The following CARMIL1 variants were observed in gnomAD, a reference collection of about 807,000 sequenced individuals.
CARMIL1 encodes the protein capping protein regulator and myosin 1 linker 1, also known as F-actin-uncapping protein LRRC16A.
In CARMIL1, 90 loss-of-function variants were observed where a neutral mutation model predicts 177.1. The ratio of observed to expected loss-of-function variants is 0.51; its 90% CI spans 0.43 to 0.61. The LOEUF is 0.61. CARMIL1 is among the 20% of genes least tolerant of loss of function. The pLI, the probability that CARMIL1 is intolerant of heterozygous loss-of-function variation, is 0.00. For missense variants in CARMIL1, 1,380 were observed against 1,667.0 expected, an observed-to-expected ratio of 0.83 and a Z score of 3.00; for synonymous variants, 577 against 606.2, an observed-to-expected ratio of 0.95 and a Z score of 0.71.
At chr6:25,413,230 G>A (rs1795075996) in intron 2 of CARMIL1, among the ~76,000 whole-genome samples, 1 of 152,186 alleles carries the variant, frequency 6.6e-6, no homozygotes, top group Non-Finnish European at 1.5e-5. Context: ...GTATTAAGAG[G>A]GGGAATGATG....
At chr6:25,420,269 T>C (rs1795736478) in intron 3 of CARMIL1, 105 bp downstream of exon 3, 2 of 1,027,084 alleles carry the variant, frequency 1.9e-6, no homozygotes, top group Admixed American at 3.4e-5. Flanking sequence ...TTCCTTCATA[T>C]ACTGCAACAC....
intron 29 of CARMIL1, among the ~76,000 whole-genome samples, chr6:25,570,527 AG>A (rs1811983385): frequency 6.6e-6 from 1 of 152,238 alleles, no homozygotes; most frequent in Admixed American, 6.5e-5. Flanking sequence ...ATAAAAAGTG[AG>A]GCATTTCCTG....
intron 33 of CARMIL1, among the ~76,000 whole-genome samples, chr6:25,603,988 A>G (rs1328463287): frequency 6.6e-6 from 1 of 152,166 alleles, no homozygotes; most frequent in Admixed American, 6.5e-5. Context: ...TTCTACCTCA[A>G]AGCAAGGAAG....
rs759900481 is a variant in CARMIL1 at position 25,520,277 on chromosome 6, G to A, written c.1908G>A (p.Met636Ile). 1.3e-6 allele frequency: 2 copies of A among 1,562,664 alleles called. No homozygotes were observed. Among genetic ancestry groups the A allele is most frequent in the Admixed American group, 3.8e-5 (2 of 53,294 alleles). Residue 636 changes from methionine (M) to isoleucine (I), a missense_variant, in exon 23 of 37, where the codon ATG (methionine) becomes ATA (isoleucine). Physicochemically the swap from Met to Ile is conservative, Grantham distance 10. Coordinates refer to ENST00000329474, the MANE Select transcript of CARMIL1 (RefSeq NM_017640.6). ...CATTAAGATTTATGCCAATTCCTAT[G>A]TATGATGCTTCTCAAGCCCTAAAAA... is the stretch of plus-strand genomic sequence containing the variant. Reference protein sequence around the residue: ...NYTLRFMPIPMYDASQALKTN... With the variant: ...NYTLRFMPIPIYDASQALKTN...
intron 2 of CARMIL1, among the ~76,000 whole-genome samples, chr6:25,316,202 A>G (rs1175511776): frequency 1.3e-5 from 2 of 152,238 alleles, no homozygotes; most frequent in African/African-American, 2.4e-5. Flanking sequence ...TGATTACTGT[A>G]AAACAGGTTA....
At chr6:25,331,625 C>T (rs1785630103) in intron 2 of CARMIL1, among the ~76,000 whole-genome samples, 1 of 152,226 alleles carries the variant, frequency 6.6e-6, no homozygotes, top group Non-Finnish European at 1.5e-5. Context: ...GAATCTGAGT[C>T]TCTTGCAGGA....
intron 15 of CARMIL1, among the ~76,000 whole-genome samples, chr6:25,493,046 T>G (rs1018870860): frequency 2.0e-5 from 3 of 152,212 alleles, no homozygotes; most frequent in African/African-American, 7.2e-5. Context: ...CCTAGTCAAC[T>G]CATATATTTG....
intron 26 of CARMIL1, among the ~76,000 whole-genome samples, chr6:25,543,258 T>A (rs1307969408): frequency 2.0e-5 from 3 of 152,186 alleles, no homozygotes; most frequent in African/African-American, 7.2e-5. Context: ...CATAGACATT[T>A]TGAACATTGA....
At chr6:25,459,589 T>C (rs1478617998) in intron 8 of CARMIL1, among the ~76,000 whole-genome samples, 1 of 151,916 alleles carries the variant, frequency 6.6e-6, no homozygotes, top group East Asian at 1.9e-4. Flanking sequence ...AACCAGTGAT[T>C]AGACTAATAA....
At chr6:25,591,384 C>T (rs1291076186) in intron 31 of CARMIL1, among the ~76,000 whole-genome samples, 7 of 152,212 alleles carry the variant, frequency 4.6e-5, no homozygotes, top group Admixed American at 4.6e-4. Flanking sequence ...TCAGCAACAG[C>T]GATTCCTGAT....
chr6:25,345,387 C>T (rs1787400543), intron 2 of CARMIL1, among the ~76,000 whole-genome samples: 2 of 152,234 alleles, frequency 1.3e-5, no homozygotes, highest in Middle Eastern at 3.4e-3. Flanking sequence ...CTTTAAATAT[C>T]ACCTGTAAGA....
At chr6:25,493,821 A>G (rs1306138692) in intron 15 of CARMIL1, among the ~76,000 whole-genome samples, 3 of 152,234 alleles carry the variant, frequency 2.0e-5, no homozygotes, top group Admixed American at 2.0e-4. Flanking sequence ...ATTTAGAGTA[A>G]GTTAACAGTA....
intron 26 of CARMIL1, among the ~76,000 whole-genome samples, chr6:25,549,727 A>C (rs1809886353): frequency 6.6e-6 from 1 of 152,198 alleles, no homozygotes; most frequent in Admixed American, 6.5e-5. Context: ...CCACTGTACC[A>C]GTCTTTTGAT....
At chr6:25,470,808 C>G (rs1004236071) in intron 9 of CARMIL1, among the ~76,000 whole-genome samples, 5 of 152,082 alleles carry the variant, frequency 3.3e-5, no homozygotes, top group African/African-American at 1.2e-4. Context: ...TCATGAGGGC[C>G]CCACCATCAT....
chr6:25,369,044 A>G (rs551333261), intron 2 of CARMIL1, among the ~76,000 whole-genome samples: 1 of 152,326 alleles, frequency 6.6e-6, no homozygotes, highest in African/African-American at 2.4e-5. Context: ...TCACATGTCT[A>G]TTTCTGCTGT....
intron 9 of CARMIL1, among the ~76,000 whole-genome samples, chr6:25,469,595 T>G (rs1800921090): frequency 6.6e-6 from 1 of 152,116 alleles, no homozygotes; most frequent in Non-Finnish European, 1.5e-5. Context: ...TCTCACTCTG[T>G]GGCCCAGGCT....
intron 2 of CARMIL1, among the ~76,000 whole-genome samples, chr6:25,327,924 GC>G (rs1466240282): frequency 6.6e-6 from 1 of 152,166 alleles, no homozygotes; most frequent in Non-Finnish European, 1.5e-5. Flanking sequence ...TCTACTTTTA[GC>G]GTTTTGGGTC....
At chr6:25,337,394 C>T (rs182538768) in intron 2 of CARMIL1, among the ~76,000 whole-genome samples, 49 of 152,214 alleles carry the variant, frequency 3.2e-4, no homozygotes, top group African/African-American at 1.1e-3. Context: ...AGTTGTATTA[C>T]GGTAATCGGG....
At chr6:25,493,416 T>C (rs951022394) in intron 15 of CARMIL1, among the ~76,000 whole-genome samples, 3 of 152,244 alleles carry the variant, frequency 2.0e-5, no homozygotes, top group Non-Finnish European at 1.5e-5. Context: ...ATTTCATTAG[T>C]GTATCCATCA....
Sources: allele counts gnomAD v4.1 joint callset (sites outside exome capture counted in the v4.1 genomes callset), GRCh38; gene constraint gnomAD v4.1.1; transcripts MANE v1.5; gene names NCBI Gene and HGNC (gene_info 2026-07-23, HGNC 2026-07-21).